EVI5: variants seen among roughly 807,000 people sequenced by gnomAD.
EVI5 encodes the protein ecotropic viral integration site 5 protein homolog.
Under a neutral mutation model 112.0 loss-of-function variants are expected in EVI5, and 73 were observed. That is an observed-to-expected ratio of 0.65 (90% confidence interval 0.54 to 0.79). The LOEUF is 0.79. EVI5 is among the 30% of genes least tolerant of loss of function. The pLI is 0.00. For missense variants in EVI5, 900 were observed against 968.8 expected (o/e 0.93, Z 0.94); for synonymous variants, 305 against 319.9 (o/e 0.95, Z 0.50).
intron 15 of EVI5, 126 bp from the exon 16 acceptor site, chr1:92,624,460 C>G (rs1332476349): frequency 2.8e-6 from 2 of 726,670 alleles, no homozygotes. Context: ...TATTTAATCC[C>G]TAGAAAATCC....
intron 19 of EVI5, among the ~76,000 whole-genome samples, chr1:92,560,774 G>A (rs571555148): frequency 5.3e-5 from 8 of 151,912 alleles, no homozygotes; most frequent in East Asian, 3.9e-4. Flanking sequence ...TATATTGCTC[G>A]GGCTGGTCTC....
intron 2 of EVI5, among the ~76,000 whole-genome samples, chr1:92,719,706 G>C (rs1455490618): frequency 6.6e-6 from 1 of 151,954 alleles, no homozygotes; most frequent in African/African-American, 2.4e-5. Context: ...GGGTAATCAG[G>C]CAAGAGAAAG....
In EVI5 at chr1:92,621,594, G is replaced by A. The variant is rs190265879; in HGVS notation, c.1827+2582C>T. Among the ~76,000 whole-genome samples, 260 of 152,210 alleles carry A rather than the reference G, an allele frequency of 1.7e-3. 1 individual carries two copies. Among genetic ancestry groups the A allele is most frequent in the African/African-American group, 5.5e-3 (229 of 41,542 alleles). ...CTCCCAAAATGTTGGGATTACATGC[G>A]TGAGCTACTGCACCCAGCCAGTTTT... is the stretch of plus-strand genomic sequence containing the variant. On this transcript the variant is annotated intron_variant, in intron 16 of 19. Transcript: ENST00000684568.
intron 19 of EVI5, 62 bp downstream of exon 19, chr1:92,563,580 G>C (rs1021325687): frequency 3.9e-6 from 3 of 777,748 alleles, no homozygotes; most frequent in Non-Finnish European, 6.6e-6. Flanking sequence ...CAGTAATAAA[G>C]TGTTGTTACA....
intron 18 of EVI5, among the ~76,000 whole-genome samples, chr1:92,595,636 A>G (rs1647576853): frequency 6.6e-6 from 1 of 152,186 alleles, no homozygotes; most frequent in Admixed American, 6.5e-5. Flanking sequence ...CATGGAGGAA[A>G]ATGAGATGAC....
At position 92,509,185 on chromosome 1, in the gene EVI5, A is replaced by G. The variant is rs2101608639; in HGVS notation, c.*4471T>C. 6.5e-6 allele frequency: 1 copy of G among 152,732 alleles called. No individual in the cohort carries two copies. The allele number at this position is 152,732 out of a possible 1,614,324, so 9.5% of individuals were successfully genotyped here. A position where few individuals can be genotyped will look rare whatever the true frequency, so the allele number is the denominator to read the frequency against. On this transcript the variant is annotated 3_prime_UTR_variant, in exon 20 of 20. Coordinates refer to ENST00000684568, the MANE Select transcript of EVI5 (RefSeq NM_001350197.2). ...AAACCTGAATATTACAGTACATTAT[A>G]TAAAAGATAAATGAGAATAAGGAAC...
At chr1:92,568,469 C>G (rs190243468) in intron 18 of EVI5, among the ~76,000 whole-genome samples, 129 of 151,960 alleles carry the variant, frequency 8.5e-4, no homozygotes, top group Non-Finnish European at 1.6e-3. Flanking sequence ...TGAACAGGTA[C>G]AACACTTATG....
rs1666890984 is a variant in EVI5 at position 92,677,182 on chromosome 1, T to C, written c.1134A>G (p.Glu378=). ...CTTTAATTTCAACTTGCTCTTCCAT[T>C]TCTTTCGTTTTTATTGTAGTGTATT... ...EKEYTTIKTK[E]MEEQVEIKRL... is the part of the protein sequence containing the mutation. Residue 378 remains glutamate (E), a synonymous_variant, in exon 10 of 20, where the codon GAA becomes GAG. Coordinates refer to ENST00000684568, the MANE Select transcript of EVI5 (RefSeq NM_001350197.2). 1 of 1,592,994 alleles carries C rather than the reference T, an allele frequency of 6.3e-7. No individual in the cohort carries two copies. Among genetic ancestry groups the C allele is most frequent in the Admixed American group, 1.7e-5 (1 of 58,158 alleles).
chr1:92,631,462 C>G (rs906443625), intron 14 of EVI5, among the ~76,000 whole-genome samples: 43 of 152,282 alleles, frequency 2.8e-4, no homozygotes, highest in African/African-American at 1.0e-3. Flanking sequence ...GGAATTCACT[C>G]ATGATTTGGC....
chr1:92,581,913 C>T (rs1382214801), intron 18 of EVI5, among the ~76,000 whole-genome samples: 2 of 152,266 alleles, frequency 1.3e-5, no homozygotes, highest in Non-Finnish European at 2.9e-5. Flanking sequence ...TTGTTGAGCA[C>T]CTGTGATATG....
rs1274330395 is a variant in EVI5 at position 92,736,506 on chromosome 1, G to A, written c.41C>T (p.Thr14Ile). ...QVASPSTSLH[T>I]TSSSTTLSTP... ...TGATAGTGTGGTAGATGAGGATGTGGTATGTAATGAAGTAGATGGACTTGC... is the reference window on the plus strand; with the variant it reads ...TGATAGTGTGGTAGATGAGGATGTGATATGTAATGAAGTAGATGGACTTGC... The change falls in exon 2 of 20, where the codon ACC becomes ATC. Residue 14 changes from threonine (T) to isoleucine (I), a missense_variant. Thr to Ile is a moderately conservative substitution (Grantham distance 89). Coordinates refer to ENST00000684568, the MANE Select transcript of EVI5 (RefSeq NM_001350197.2). The A allele has an allele frequency of 6.2e-7, 1 of 1,613,644 alleles. No homozygotes were observed. The highest frequency in any genetic ancestry group is 1.3e-5 in the African/African-American group (1 of 74,880).
intron 1 of EVI5, among the ~76,000 whole-genome samples, chr1:92,754,512 G>T (rs1447975094): frequency 8.5e-6 from 1 of 117,126 alleles, no homozygotes; most frequent in African/African-American, 2.7e-5. Flanking sequence ...TCTGGCTCAT[G>T]GCCTCTCATG....
chr1:92,698,006 A>C (rs1449824724), intron 5 of EVI5, 21 bp from the exon 6 acceptor site: 6 of 1,601,240 alleles, frequency 3.7e-6, no homozygotes, highest in East Asian at 4.5e-5. Flanking sequence ...AGAAAAAAAA[A>C]CAACATAGGT....
At chr1:92,618,199 G>C (rs1184477386) in intron 16 of EVI5, among the ~76,000 whole-genome samples, 1 of 152,154 alleles carries the variant, frequency 6.6e-6, no homozygotes, top group African/African-American at 2.4e-5. Flanking sequence ...CAGGAATCAA[G>C]GGGTGGAAGT....
upstream of EVI5, among the ~76,000 whole-genome samples, chr1:92,789,388 T>C (rs1488337159): frequency 3.3e-5 from 5 of 151,938 alleles, no homozygotes; most frequent in East Asian, 1.9e-4. Context: ...CTGCAAGCTC[T>C]GCCTCCTGGG....
At chr1:92,727,324 A>G (rs1176565391) in intron 2 of EVI5, among the ~76,000 whole-genome samples, 1 of 152,180 alleles carries the variant, frequency 6.6e-6, no homozygotes, top group Non-Finnish European at 1.5e-5. Flanking sequence ...AAAAACCACT[A>G]AACTGTACCC....
intron 9 of EVI5, among the ~76,000 whole-genome samples, chr1:92,693,152 G>A (rs1669763057): frequency 6.6e-6 from 1 of 152,068 alleles, no homozygotes; most frequent in African/African-American, 2.4e-5. Context: ...AGGGGTTCGA[G>A]ACCAGCCTGG....
chr1:92,759,855 A>AC (rs370589975), intron 1 of EVI5, among the ~76,000 whole-genome samples: 5,250 of 104,934 alleles, frequency 0.05, 187 homozygotes, highest in South Asian at 0.073. Context: ...ATATACAAAT[A>AC]CCCTCCCCCC....
chr1:92,670,612 T>C (rs1244376338), intron 10 of EVI5, among the ~76,000 whole-genome samples: 1 of 152,190 alleles, frequency 6.6e-6, no homozygotes, highest in African/African-American at 2.4e-5. Context: ...AACCATGACG[T>C]TTATTTAAAT....
Sources: allele counts gnomAD v4.1 joint callset (sites outside exome capture counted in the v4.1 genomes callset), GRCh38; gene constraint gnomAD v4.1.1; transcripts MANE v1.5; gene names NCBI Gene and HGNC (gene_info 2026-07-23, HGNC 2026-07-21).